NRXN3: variants seen among roughly 807,000 people sequenced by gnomAD.
NRXN3 encodes neurexin III.
A neutral mutation model predicts 137.6 loss-of-function variants in NRXN3; 32 were observed. The ratio of observed to expected loss-of-function variants is 0.23; its 90% CI spans 0.18 to 0.31. NRXN3 has a LOEUF of 0.31. Among genes scored for constraint, NRXN3 ranks in the 10% least tolerant of loss-of-function variants. NRXN3 has a pLI of 1.00. For missense variants in NRXN3, 1,574 were observed against 2,062.5 expected (o/e 0.76, Z 4.59); for synonymous variants, 798 against 784.5 (o/e 1.02, Z -0.29).
At chr14:78,359,918 T>TC in intron 4 of NRXN3, among the ~76,000 whole-genome samples, 1 of 152,216 alleles carries the variant, frequency 6.6e-6, no homozygotes, top group South Asian at 2.1e-4. Flanking sequence ...GTCATCAATA[T>TC]CCCCCTGTCT....
chr14:78,517,137 G>A (rs1171355170), intron 4 of NRXN3, among the ~76,000 whole-genome samples: 1 of 151,994 alleles, frequency 6.6e-6, no homozygotes, highest in Non-Finnish European at 1.5e-5. Flanking sequence ...TATTTTATTT[G>A]AATATAATTT....
intron 6 of NRXN3, among the ~76,000 whole-genome samples, chr14:78,689,108 G>A (rs894770363): frequency 6.6e-6 from 1 of 151,892 alleles, no homozygotes; most frequent in Non-Finnish European, 1.5e-5. Context: ...CAAATCAGTG[G>A]GGTTGATGCT....
At chr14:79,815,435 G>C (rs1411549558) in intron 20 of NRXN3, among the ~76,000 whole-genome samples, 1 of 152,180 alleles carries the variant, frequency 6.6e-6, no homozygotes, top group African/African-American at 2.4e-5. Flanking sequence ...TTTCTGATGA[G>C]ATCTTTCAGT....
intron 15 of NRXN3, among the ~76,000 whole-genome samples, chr14:79,353,089 T>G (rs2093283968): frequency 6.6e-6 from 1 of 152,140 alleles, no homozygotes; most frequent in Admixed American, 6.5e-5. Context: ...TAAAAGTAGC[T>G]ATTTTTTCTC....
rs192926089 is a variant in NRXN3, at chr14:78,400,535, T to C, written c.757+102675T>C. On this transcript the variant is annotated intron_variant, in intron 4 of 20. Transcript: ENST00000335750. ...TTCTAAAAGGTACCGCAAAAATACA[T>C]GGGCCTGAGAATCCTCAAGGGGGTT... Among the ~76,000 whole-genome samples, 33 of 152,322 alleles carry C rather than the reference T, an allele frequency of 2.2e-4. No homozygotes were observed. The East Asian group carries it at 5.6e-3, about 26-fold the overall frequency.
intron 15 of NRXN3, among the ~76,000 whole-genome samples, chr14:78,995,640 G>A (rs1344179253): frequency 6.6e-6 from 1 of 152,112 alleles, no homozygotes; most frequent in Non-Finnish European, 1.5e-5. Context: ...GCTACTCTTC[G>A]ATATTACTTT....
At chr14:78,612,718 T>C (rs188432222) in intron 4 of NRXN3, among the ~76,000 whole-genome samples, 1 of 152,328 alleles carries the variant, frequency 6.6e-6, no homozygotes, top group East Asian at 1.9e-4. Context: ...TGCTATTCTG[T>C]ATTGTTTCTT....
At chr14:78,710,810 A>C (rs2098400874) in intron 7 of NRXN3, among the ~76,000 whole-genome samples, 1 of 152,178 alleles carries the variant, frequency 6.6e-6, no homozygotes. Flanking sequence ...GGTTCTTTGC[A>C]GAGGGCAGAT....
At chr14:79,083,461 G>C (rs764527263) in intron 15 of NRXN3, among the ~76,000 whole-genome samples, 3 of 152,190 alleles carry the variant, frequency 2.0e-5, no homozygotes, top group Non-Finnish European at 4.4e-5. Context: ...TTGAGCGTTT[G>C]TAATGTTCCA....
At chr14:78,887,300 C>G (rs72685465) in intron 10 of NRXN3, among the ~76,000 whole-genome samples, 3,330 of 152,114 alleles carry the variant, frequency 0.022, 51 homozygotes, top group Non-Finnish European at 0.035. Context: ...TGACTGAGCT[C>G]AAAGCTTGTG....
intron 4 of NRXN3, among the ~76,000 whole-genome samples, chr14:78,425,123 G>T (rs2093611644): frequency 1.3e-5 from 2 of 152,168 alleles, no homozygotes; most frequent in African/African-American, 2.4e-5. Flanking sequence ...TTGACCAATA[G>T]ACCAGTATCC....
intron 15 of NRXN3, among the ~76,000 whole-genome samples, chr14:79,252,658 G>A (rs538557525): frequency 7.2e-5 from 11 of 152,246 alleles, no homozygotes; most frequent in Non-Finnish European, 1.6e-4. Context: ...CAGAGGGTGC[G>A]AGAAAAGTGG....
intron 17 of NRXN3, among the ~76,000 whole-genome samples, chr14:79,679,206 A>G (rs1308925171): frequency 2.6e-5 from 4 of 152,118 alleles, no homozygotes; most frequent in Admixed American, 2.0e-4. Context: ...ATACAAAAGC[A>G]TGCTTTCATT....
chr14:78,493,567 A>T (rs934993706), intron 4 of NRXN3, among the ~76,000 whole-genome samples: 3 of 144,112 alleles, frequency 2.1e-5, no homozygotes, highest in Non-Finnish European at 4.6e-5. Context: ...AATAAATAAA[A>T]AGAATTAGCC....
chr14:79,336,667 A>G (rs1439503740), intron 15 of NRXN3, among the ~76,000 whole-genome samples: 1 of 152,168 alleles, frequency 6.6e-6, no homozygotes, highest in African/African-American at 2.4e-5. Context: ...AATAATAAAC[A>G]TGTGTTATGT....
intron 4 of NRXN3, among the ~76,000 whole-genome samples, chr14:78,474,851 T>C (rs2095350518): frequency 6.6e-6 from 1 of 152,238 alleles, no homozygotes; most frequent in African/African-American, 2.4e-5. Context: ...TACTTTTGCA[T>C]CCTGCATACA....
chr14:78,882,571 G>A lies in NRXN3; in HGVS notation c.2275+72227G>A, dbSNP rs546501291. ...TTGGATTACTTGCATGAGGCCTGTA[G>A]CCTCTTTGTTTTGGCCAATTTCTCC... On this transcript the variant is annotated intron_variant, in intron 10 of 20. Coordinates refer to ENST00000335750, the MANE Select transcript of NRXN3 (RefSeq NM_001330195.2). Among the ~76,000 whole-genome samples, 16 of 151,840 alleles carry A rather than the reference G, an allele frequency of 1.1e-4. No homozygotes were observed. In the South Asian group the frequency reaches 3.3e-3, roughly 31 times the overall value.
intron 15 of NRXN3, among the ~76,000 whole-genome samples, chr14:79,277,945 A>G (rs958149624): frequency 2.0e-5 from 3 of 152,188 alleles, no homozygotes; most frequent in Non-Finnish European, 4.4e-5. Context: ...AAATTCTGAA[A>G]TGGACTTGAT....
rs1567094519 is a variant in NRXN3, at chr14:78,255,804, A to G, written c.709+12002A>G. 2.0e-5 allele frequency among the ~76,000 whole-genome samples: 3 copies of G among 152,220 alleles called. No individual in the cohort carries two copies. The East Asian group carries it at 5.8e-4, about 29-fold the overall frequency. On this transcript the variant is annotated intron_variant, in intron 2 of 20. Transcript: ENST00000335750. The stretch of plus-strand genomic sequence containing the variant: ...GTGTATATGCAGGTTTTATATGTGC[A>G]CATATGTGTCTGTATTCATATATGT...
Sources: gnomAD v4.1 joint callset for allele counts (sites outside exome capture counted in the v4.1 genomes callset) on GRCh38, gnomAD v4.1.1 for gene constraint, MANE v1.5 for transcripts, NCBI Gene and HGNC (gene_info 2026-07-23, HGNC 2026-07-21) for gene names.